Variants in ZNF160 observed in about 807,000 individuals in gnomAD.
The protein encoded by ZNF160 is zinc finger protein 160.
Under a neutral mutation model 13.1 loss-of-function variants are expected in ZNF160, and 9 were observed. The ratio of observed to expected loss-of-function variants is 0.69; its 90% confidence interval spans 0.41 to 1.20. The LOEUF (loss-of-function observed/expected upper bound fraction) is 1.20, where lower values mean the gene tolerates loss of function less well. Ranked by LOEUF, ZNF160 falls within the 50% of genes most tolerant of loss-of-function variation. ZNF160 has a pLI of 0.01. For synonymous variants in ZNF160, 293 were observed against 333.2 expected (o/e 0.88, Z 1.31); for missense variants, 838 against 988.0 (o/e 0.85, Z 2.04).
intron 3 of ZNF160, chr19:53,085,890 G>A (rs890026158): frequency 7.2e-6 from 5 of 694,170 alleles, no homozygotes; most frequent in East Asian, 2.8e-5. Flanking sequence ...GAGCAGGTAC[G>A]TGTGCACCTG....
chr19:53,072,969 G>A (rs887911794), intron 5 of ZNF160: 3 of 672,852 alleles, frequency 4.5e-6, no homozygotes, highest in Non-Finnish European at 5.5e-6. Context: ...ATTCTATATT[G>A]ACAAATTATA....
At chr19:53,097,462 C>A (rs959674853) in intron 1 of ZNF160, among the ~76,000 whole-genome samples, 2 of 151,950 alleles carry the variant, frequency 1.3e-5, no homozygotes, top group African/African-American at 4.8e-5. Context: ...ATCCCACAAT[C>A]CCCAGATACT....
In ZNF160 at chr19:53,096,222, A is replaced by G. The variant is rs577272891; in HGVS notation, c.-353-4502T>C. Among the ~76,000 whole-genome samples the G allele has an allele frequency of 5.2e-4, 79 of 152,362 alleles. 1 individual carries two copies. The highest frequency in any genetic ancestry group is 3.4e-3 in the Middle Eastern group (1 of 294). ...AGACAGAACGAGACTCCGTCTCAAA[A>G]TAAATAAATAACTGAATGAATGAAT... On this transcript the variant is annotated intron_variant, in intron 1 of 5. Coordinates refer to ENST00000683776, the MANE Select transcript of ZNF160 (RefSeq NM_001322131.2).
intron 5 of ZNF160, 146 bp from the exon 6 acceptor site, chr19:53,070,408 C>G (rs1383117065): frequency 1.2e-6 from 1 of 815,640 alleles, no homozygotes; most frequent in African/African-American, 1.8e-5. Flanking sequence ...TTGTTAGGAA[C>G]AAAAATGTTT....
intron 3 of ZNF160, among the ~76,000 whole-genome samples, chr19:53,084,467 A>C (rs767604204): frequency 2.0e-5 from 3 of 152,220 alleles, no homozygotes; most frequent in Non-Finnish European, 4.4e-5. Flanking sequence ...CTGAACCTGC[A>C]TGTCAGTGAC....
intron 2 of ZNF160, among the ~76,000 whole-genome samples, chr19:53,089,890 C>T (rs1045095204): frequency 6.6e-6 from 1 of 151,658 alleles, no homozygotes; most frequent in Non-Finnish European, 1.5e-5. Flanking sequence ...GCTCTTTCTC[C>T]CCTTCTTCCC....
intron 1 of ZNF160, among the ~76,000 whole-genome samples, chr19:53,102,491 T>C (rs2085481849): frequency 6.6e-6 from 1 of 152,224 alleles, no homozygotes; most frequent in Admixed American, 6.5e-5. Context: ...CTCCTTATCT[T>C]GTTGTCCTGC....
chr19:53,068,257 T>C lies in ZNF160; in HGVS notation c.2277A>G (p.Lys759=). ...TCCCACACTCTGTACACCTGTAAGG[T>C]TTCTCCCCAGTATGAATTCTTCGGT... is the stretch of plus-strand genomic sequence containing the variant. ...ANHRRIHTGE[K]PYRCTECGKA... is the part of the protein sequence containing the mutation. The change falls in exon 6 of 6, where the codon AAA becomes AAG. Residue 759 remains lysine, a synonymous_variant. Transcript: ENST00000683776. The C allele has an allele frequency of 6.2e-7, 1 of 1,614,080 alleles. No individual in the cohort carries two copies. The highest frequency in any genetic ancestry group is 8.5e-7 in the Non-Finnish European group (1 of 1,179,936).
At position 53,068,584 on chromosome 19, in the gene ZNF160, C is replaced by T; in HGVS notation, c.1950G>A (p.Lys650=). The stretch of plus-strand genomic sequence containing the variant: ...TAAAGGCTTTCCCACACTCATTACA[C>T]TTGTAAGGTTTCTCTCCAGTATGAA... The part of the protein sequence containing the change: ...RRIHTGEKPY[K]CNECGKAFSM... The change falls in exon 6 of 6, where the codon AAG becomes AAA. Residue 650 remains lysine (K), a synonymous_variant. Coordinates refer to ENST00000683776, the MANE Select transcript of ZNF160 (RefSeq NM_001322131.2). 1 of 1,614,062 alleles carries T rather than the reference C, an allele frequency of 6.2e-7. No homozygotes were observed. The highest frequency in any genetic ancestry group is 8.5e-7 in the Non-Finnish European group (1 of 1,180,018).
intron 3 of ZNF160, among the ~76,000 whole-genome samples, chr19:53,081,102 C>A (rs1172349637): frequency 6.6e-6 from 1 of 152,044 alleles, no homozygotes; most frequent in Non-Finnish European, 1.5e-5. Context: ...TATAAGACCT[C>A]CAACTATAAA....
intron 1 of ZNF160, among the ~76,000 whole-genome samples, chr19:53,096,337 C>T (rs4597436): frequency 0.3 from 46,287 of 151,992 alleles, 7,681 homozygotes; most frequent in Middle Eastern, 0.37. Context: ...TGGTCTTTTT[C>T]GTGAGAAGGG....
Position 53,069,351 on chromosome 19 carries a change from T to C in ZNF160, c.1183A>G (p.Lys395Glu). ...CCGCACTCATTGCACTTGTAAGGTT[T>C]CTCTCCAGTGTGAATTCTCCAATGA... ...ISHWRIHTGE[K>E]PYKCNECGKA... The change falls in exon 6 of 6, where the codon AAA becomes GAA. Residue 395 changes from lysine to glutamate, a missense_variant. Lys to Glu is a moderately conservative substitution (Grantham distance 56). Around this residue, in one of 3 missense-constraint regions of ZNF160, gnomAD observed 400 missense variants for 538.9 expected, o/e 0.74. Transcript: ENST00000683776. This position sits in a 1 kb window ranked among gnomAD's most constrained non-coding sequence, Gnocchi z 4.4. 1 of 1,614,078 alleles carries C rather than the reference T, an allele frequency of 6.2e-7. No individual in the cohort carries two copies. The highest frequency in any genetic ancestry group is 8.5e-7 in the Non-Finnish European group (1 of 1,179,908).
chr19:53,099,926 C>G (rs1355898619), intron 1 of ZNF160, among the ~76,000 whole-genome samples: 1 of 152,234 alleles, frequency 6.6e-6, no homozygotes, highest in Non-Finnish European at 1.5e-5. Context: ...CAACACTAGA[C>G]TTTCTCACGC....
In ZNF160 at chr19:53,095,249, A is replaced by AC. The variant is rs1280005531; in HGVS notation, c.-353-3530dup. The AC allele has an allele frequency of 5.3e-5, 3 of 56,904 alleles. No homozygotes were observed. The East Asian group carries it at 1.5e-3, about 28-fold the overall frequency. The allele number at this position is 56,904 out of a possible 1,614,324, so 3.5% of individuals were successfully genotyped here. On this transcript the variant is annotated intron_variant, in intron 1 of 5. Transcript: ENST00000683776. ...CTTGCACCCCTTTCCCATTGCCCAG[A>AC]CCCCACCTCACGGTGGCTTCCACCC... is the stretch of plus-strand genomic sequence containing the variant.
chr19:53,073,961 T>G (rs10412805), intron 5 of ZNF160, among the ~76,000 whole-genome samples, 179 bp downstream of exon 5: 13,448 of 152,078 alleles, frequency 0.088, 802 homozygotes, highest in African/African-American at 0.16. Context: ...AATTTTTTTT[T>G]GTATTTTTAG....
intron 3 of ZNF160, among the ~76,000 whole-genome samples, chr19:53,077,898 T>C (rs7254015): frequency 0.37 from 55,778 of 151,514 alleles, 10,785 homozygotes; most frequent in African/African-American, 0.49. Context: ...GAGATAAAAA[T>C]TATGAAGAAG....
At position 53,073,409 on chromosome 19, in the gene ZNF160, G is replaced by A. The variant is rs141468198; in HGVS notation, c.271+731C>T. The A allele has an allele frequency of 4.3e-3, 6,928 of 1,598,424 alleles. 26 individuals are homozygous for A. The highest frequency in any genetic ancestry group is 4.9e-3 in the Non-Finnish European group (5,796 of 1,179,808). ...CAAAAGCAGAATGGAAGAAATGGCC[G>A]AGGGACCTCGACAGGCGGAGACGGC... On this transcript the variant is annotated intron_variant, in intron 5 of 5. Transcript: ENST00000683776.
rs979323325 is a variant in ZNF160, at chr19:53,102,878, G to A, written c.-354+387C>T. Among the ~76,000 whole-genome samples, 3 of 152,066 alleles carry A rather than the reference G, an allele frequency of 2.0e-5. No individual in the cohort carries two copies. In the East Asian group the frequency reaches 5.8e-4, roughly 30 times the overall value. ...AGGGAAGCGGTGACTGCGAAGGGGA[G>A]GCCTGGGGAGCAGCAGGGCCCGGCA... On this transcript the variant is annotated intron_variant, in intron 1 of 5. Coordinates refer to ENST00000683776, the MANE Select transcript of ZNF160 (RefSeq NM_001322131.2).
Position 53,067,846 on chromosome 19 carries a change from T to G in ZNF160, c.*231A>C. The G allele has an allele frequency of 4.0e-6, 2 of 495,796 alleles. No individual in the cohort carries two copies. Among genetic ancestry groups the G allele is most frequent in the Non-Finnish European group, 6.9e-6 (2 of 290,814 alleles). The allele number at this position is 495,796 out of a possible 1,614,324, so 30.7% of individuals were successfully genotyped here. A position where few individuals can be genotyped will look rare whatever the true frequency, so the allele number is the denominator to read the frequency against. On this transcript the variant is annotated 3_prime_UTR_variant, in exon 6 of 6. Transcript: ENST00000683776. ...TAATGGCCTCAGGATGCATATTACA[T>G]TTGTTTCGTTTCATCAAAGATATAA... is the stretch of plus-strand genomic sequence containing the variant.
Sources: gnomAD v4.1 joint callset for allele counts (sites outside exome capture counted in the v4.1 genomes callset) on GRCh38, gnomAD v4.1.1 for gene constraint, gnomAD v4.1.1 regional missense constraint, Gnocchi (gnomAD v3.1) non-coding constraint, MANE v1.5 for transcripts, NCBI Gene and HGNC (gene_info 2026-07-23, HGNC 2026-07-21) for gene names.